The following GSE1 variants were observed in gnomAD, a reference collection of about 807,000 sequenced individuals.
GSE1 encodes Gse1 coiled-coil protein, also known as genetic suppressor element 1.
GSE1 carries 32 observed loss-of-function variants against 112.6 expected under a neutral mutation model. That is an observed-to-expected ratio of 0.28 (90% CI 0.21 to 0.38). The LOEUF (loss-of-function observed/expected upper bound fraction) is 0.38, where lower values mean the gene tolerates loss of function less well. Among genes scored for constraint, GSE1 ranks in the 10% least tolerant of loss-of-function variants. The pLI is 1.00. For synonymous variants in GSE1, 1,115 were observed against 735.6 expected (o/e 1.52, Z -8.35); for missense variants, 2,348 against 1,699.2 (o/e 1.38, Z -6.71).
At chr16:85,664,598 C>G (rs1371883641) in intron 11 of GSE1, 1 of 161,936 alleles carries the variant, frequency 6.2e-6, no homozygotes, top group East Asian at 1.8e-4. Context: ...CTTTCCCCTT[C>G]AGGAAGTGGC....
At chr16:85,390,893 T>C (rs2047824928) in intron 2 of GSE1, among the ~76,000 whole-genome samples, 1 of 152,190 alleles carries the variant, frequency 6.6e-6, no homozygotes, top group Non-Finnish European at 1.5e-5. Flanking sequence ...TGGAGATGCG[T>C]CATGCTGGCA....
chr16:85,343,966 C>T (rs1044192248), intron 1 of GSE1, among the ~76,000 whole-genome samples: 3 of 152,180 alleles, frequency 2.0e-5, no homozygotes, highest in Non-Finnish European at 4.4e-5. Flanking sequence ...GTCTCAGGGC[C>T]TTTGCACTGG....
intron 1 of GSE1, among the ~76,000 whole-genome samples, chr16:85,280,020 C>T (rs991632197): frequency 6.6e-6 from 1 of 152,164 alleles, no homozygotes; most frequent in Non-Finnish European, 1.5e-5. Context: ...TGCTGAGGTT[C>T]CAGAAAGTTC....
intron 1 of GSE1, among the ~76,000 whole-genome samples, chr16:85,353,458 G>A (rs1225972435): frequency 5.3e-5 from 8 of 152,178 alleles, no homozygotes; most frequent in African/African-American, 1.9e-4. Flanking sequence ...ATCATTTTAC[G>A]TTCCCATCAA....
intron 2 of GSE1, among the ~76,000 whole-genome samples, chr16:85,421,418 G>T (rs538097147): frequency 1.1e-4 from 16 of 152,110 alleles, no homozygotes; most frequent in Non-Finnish European, 2.2e-4. Context: ...GCAAGCAGGG[G>T]CTCCACCGCC....
intron 1 of GSE1, among the ~76,000 whole-genome samples, chr16:85,213,218 G>A (rs533673493): frequency 6.8e-6 from 1 of 148,040 alleles, no homozygotes; most frequent in African/African-American, 2.5e-5. Flanking sequence ...GCAGTGAGCC[G>A]AGATCACACT....
chr16:85,671,426 C>A (rs112958553), intron 15 of GSE1, among the ~76,000 whole-genome samples: 2,428 of 99,834 alleles, frequency 0.024, 85 homozygotes, highest in African/African-American at 0.091. Flanking sequence ...GGCGACAGAG[C>A]GAGACTCCGT....
chr16:85,307,906 C>A (rs2045725562), intron 1 of GSE1, among the ~76,000 whole-genome samples: 1 of 152,202 alleles, frequency 6.6e-6, no homozygotes, highest in Admixed American at 6.5e-5. Flanking sequence ...TCTGTGAGTT[C>A]AGTTAATCCT....
chr16:85,188,646 T>C (rs141546547), intron 1 of GSE1, among the ~76,000 whole-genome samples: 2 of 151,518 alleles, frequency 1.3e-5, no homozygotes, highest in African/African-American at 2.4e-5. Flanking sequence ...TACAAAAAAA[T>C]TAAAAATTAG....
At chr16:85,268,884 T>G (rs74031755) in intron 1 of GSE1, among the ~76,000 whole-genome samples, 2,155 of 150,030 alleles carry the variant, frequency 0.014, 83 homozygotes, top group African/African-American at 0.049. Context: ...CCCTGAAGGA[T>G]GGGACCCATT....
rs531248689 is a variant in GSE1 at position 85,475,318 on chromosome 16, G to T, written c.2464+117675G>T. Among the ~76,000 whole-genome samples, 5 of 152,324 alleles carry T rather than the reference G, an allele frequency of 3.3e-5. No individual in the cohort carries two copies. In the East Asian group the frequency reaches 9.7e-4, roughly 29 times the overall value. On this transcript the variant is annotated intron_variant, in intron 2 of 2. Coordinates refer to the GSE1 transcript ENST00000637419. ...GTCGCTGAATCTGTGATCAGTGCTG[G>T]GGGCCCCTCAGGGCTGCCTGTACCT...
At chr16:85,555,007 G>A (rs2045128490), upstream of GSE1, 2 of 985,332 alleles carry the variant, frequency 2.0e-6, no homozygotes, top group African/African-American at 3.5e-5. Context: ...CTGCCGCCCG[G>A]CTCGGCGGCC....
chr16:85,397,497 A>C (rs2047995117), intron 2 of GSE1, among the ~76,000 whole-genome samples: 1 of 152,078 alleles, frequency 6.6e-6, no homozygotes, highest in African/African-American at 2.4e-5. Flanking sequence ...CACGGTACTA[A>C]ATCTGGAGAC....
intron 7 of GSE1, 99 bp downstream of exon 7, chr16:85,656,764 TC>T (rs2051995211): frequency 7.1e-7 from 1 of 1,418,024 alleles, no homozygotes; most frequent in South Asian, 1.5e-5. Flanking sequence ...GTGTAAATGT[TC>T]CCCAGCTGAG....
At chr16:85,541,752 C>A (rs530276724) in intron 2 of GSE1, among the ~76,000 whole-genome samples, 1 of 152,296 alleles carries the variant, frequency 6.6e-6, no homozygotes, top group African/African-American at 2.4e-5. Context: ...GGGGAAGGGG[C>A]CCTGCATGGC....
At chr16:85,433,671 A>G (rs1231702925) in intron 2 of GSE1, among the ~76,000 whole-genome samples, 1 of 151,492 alleles carries the variant, frequency 6.6e-6, no homozygotes, top group Non-Finnish European at 1.5e-5. Context: ...AGATACTTGC[A>G]TGGGATTGGA....
chr16:85,615,987 C>T (rs2048346537), intron 1 of GSE1, among the ~76,000 whole-genome samples: 1 of 152,254 alleles, frequency 6.6e-6, no homozygotes, highest in South Asian at 2.1e-4. Flanking sequence ...GAGCCCTCCC[C>T]TCCAGCAGTC....
intron 1 of GSE1, among the ~76,000 whole-genome samples, chr16:85,193,285 C>A (rs946985448): frequency 6.6e-6 from 1 of 152,144 alleles, no homozygotes; most frequent in Non-Finnish European, 1.5e-5. Context: ...ACACACCATC[C>A]TGTTGAATAG....
intron 2 of GSE1, chr16:85,490,865 T>G (rs903341609): frequency 6.6e-6 from 1 of 152,260 alleles, no homozygotes; most frequent in African/African-American, 2.4e-5. Context: ...TAAATCAATT[T>G]GAATTGAGCT....
Sources: gnomAD v4.1 joint callset for allele counts (sites outside exome capture counted in the v4.1 genomes callset) on GRCh38, gnomAD v4.1.1 for gene constraint, MANE v1.5 for transcripts, NCBI Gene and HGNC (gene_info 2026-07-23, HGNC 2026-07-21) for gene names.